HS3ST4: variants seen among roughly 807,000 people sequenced by gnomAD.
HS3ST4 encodes the protein heparan sulfate glucosamine 3-O-sulfotransferase 4.
A neutral mutation model predicts 29.2 loss-of-function variants in HS3ST4; 17 were observed. That is an observed-to-expected ratio of 0.58 (90% confidence interval 0.40 to 0.87). The LOEUF is 0.87. HS3ST4 is among the 40% of genes least tolerant of loss of function. HS3ST4 has a pLI of 0.00. For missense variants in HS3ST4, 627 were observed against 634.5 expected, an observed-to-expected ratio of 0.99 and a Z score of 0.13; for synonymous variants, 314 against 285.7, an observed-to-expected ratio of 1.10 and a Z score of -1.00.
chr16:26,111,009 C>T lies in HS3ST4; in HGVS notation c.735-24603C>T, dbSNP rs143228610. Among the ~76,000 whole-genome samples, 383 of 151,928 alleles carry T rather than the reference C, an allele frequency of 2.5e-3. 2 individuals are homozygous for T. Among genetic ancestry groups the T allele is most frequent in the African/African-American group, 8.4e-3 (349 of 41,414 alleles). On this transcript the variant is annotated intron_variant, in intron 1 of 1. Coordinates refer to ENST00000331351, the MANE Select transcript of HS3ST4 (RefSeq NM_006040.3). The stretch of plus-strand genomic sequence containing the variant: ...GCTTGTAAGGGTGTGTGTGTGTGCA[C>T]GCGTTTGGGGTACAATTTATTTTTT...
intron 1 of HS3ST4, among the ~76,000 whole-genome samples, chr16:25,886,027 GTT>G (rs34713423): frequency 0.015 from 1,276 of 82,734 alleles, 11 homozygotes; most frequent in African/African-American, 0.055. Context: ...TCTTACTGTG[GTT>G]TTTTTTTTTT....
intron 1 of HS3ST4, chr16:25,933,401 T>C (rs1319815248): frequency 1.9e-6 from 1 of 516,478 alleles, no homozygotes; most frequent in African/African-American, 1.9e-5. Context: ...TTGAACTGGC[T>C]TTCCACCTTC....
Position 25,795,173 on chromosome 16 carries a change from A to G in HS3ST4, c.734+102022A>G, listed in dbSNP as rs541430838. 7.9e-5 allele frequency among the ~76,000 whole-genome samples: 12 copies of G among 151,928 alleles called. 1 individual carries two copies. Among genetic ancestry groups the G allele is most frequent in the African/African-American group, 1.5e-4 (6 of 41,376 alleles). Reference sequence around the variant, plus strand: ...TTTTTAGTAGAGACGAAGTTTCACTATGTTGGCCAGGTTGGTCTTGAATTC... The same window carrying G: ...TTTTTAGTAGAGACGAAGTTTCACTGTGTTGGCCAGGTTGGTCTTGAATTC... On this transcript the variant is annotated intron_variant, in intron 1 of 1. Transcript: ENST00000331351.
chr16:26,014,115 A>G (rs1969340626), intron 1 of HS3ST4, among the ~76,000 whole-genome samples: 1 of 152,034 alleles, frequency 6.6e-6, no homozygotes, highest in South Asian at 2.1e-4. Flanking sequence ...ATTTTGCTTT[A>G]TTTTCCTTTG....
Position 25,692,330 on chromosome 16 carries a change from G to A in HS3ST4, c.-88G>A, listed in dbSNP as rs1404656447. ...AGCGGCGGCGGCGGCGGCGGCGGCG[G>A]CGGCGGCGGGGGCGGCGGCTGAAAC... On this transcript the variant is annotated 5_prime_UTR_variant, in exon 1 of 2. Transcript: ENST00000331351. 1 of 162,306 alleles carries A rather than the reference G, an allele frequency of 6.2e-6. No individual in the cohort carries two copies. Among genetic ancestry groups the A allele is most frequent in the Non-Finnish European group, 1.2e-5 (1 of 80,484 alleles). 10.1% of individuals were successfully genotyped at this position (162,306 alleles called of 1,614,324 possible). A position where few individuals can be genotyped will look rare whatever the true frequency, so the allele number is the denominator to read the frequency against.
At chr16:25,735,509 C>T (rs540710009) in intron 1 of HS3ST4, among the ~76,000 whole-genome samples, 2 of 152,094 alleles carry the variant, frequency 1.3e-5, no homozygotes, top group Admixed American at 6.5e-5. Flanking sequence ...CACTCTCAGC[C>T]TCCTGAGTAG....
chr16:26,109,048 G>T (rs927695876), intron 1 of HS3ST4, among the ~76,000 whole-genome samples: 1 of 152,078 alleles, frequency 6.6e-6, no homozygotes, highest in Non-Finnish European at 1.5e-5. Context: ...ACATGTTGAG[G>T]CCTAAATTAA....
At chr16:25,898,529 CGTATGCCATAT>C in intron 1 of HS3ST4, among the ~76,000 whole-genome samples, 1 of 152,320 alleles carries the variant, frequency 6.6e-6, no homozygotes, top group East Asian at 1.9e-4. Flanking sequence ...TAGTATACCA[CGTATGCCATAT>C]GTATGCAAGC....
At chr16:25,886,302 G>A (rs1967951670) in intron 1 of HS3ST4, among the ~76,000 whole-genome samples, 1 of 151,998 alleles carries the variant, frequency 6.6e-6, no homozygotes, top group Non-Finnish European at 1.5e-5. Flanking sequence ...CAAAGTTCTG[G>A]GATTAGAGTA....
chr16:25,802,975 TTCTC>T (rs1463456682), intron 1 of HS3ST4, among the ~76,000 whole-genome samples: 3 of 151,030 alleles, frequency 2.0e-5, no homozygotes, highest in Non-Finnish European at 4.4e-5. Flanking sequence ...ATATATTTCT[TTCTC>T]TGTTTCTTTT....
intron 1 of HS3ST4, among the ~76,000 whole-genome samples, chr16:25,693,459 C>T (rs571095510): frequency 1.1e-3 from 174 of 152,324 alleles, no homozygotes; most frequent in Non-Finnish European, 2.0e-3. Context: ...AGCCCTCCTG[C>T]CTGCTGGGTG....
chr16:26,032,813 G>A, intron 1 of HS3ST4: 7 of 1,564,390 alleles, frequency 4.5e-6, no homozygotes, highest in South Asian at 1.1e-5. Flanking sequence ...CTTGGGCATG[G>A]TGGTGGCGGC....
chr16:25,770,138 G>T (rs773134004), intron 1 of HS3ST4, among the ~76,000 whole-genome samples: 1 of 152,164 alleles, frequency 6.6e-6, no homozygotes, highest in Non-Finnish European at 1.5e-5. Flanking sequence ...ATTCATAGTT[G>T]CCTCCCACTC....
intron 1 of HS3ST4, among the ~76,000 whole-genome samples, chr16:25,821,182 C>T (rs576832196): frequency 1.5e-4 from 22 of 151,418 alleles, no homozygotes; most frequent in South Asian, 1.0e-3. Flanking sequence ...CTCAGCCTCC[C>T]GAGTAGCTGG....
intron 1 of HS3ST4, among the ~76,000 whole-genome samples, chr16:26,107,640 G>T (rs958735366): frequency 6.6e-5 from 10 of 152,188 alleles, no homozygotes; most frequent in Non-Finnish European, 4.4e-5. Context: ...GAGAACATAT[G>T]ATATTTGGTT....
intron 1 of HS3ST4, among the ~76,000 whole-genome samples, chr16:25,870,135 A>G (rs1478675561): frequency 6.6e-6 from 1 of 151,774 alleles, no homozygotes; most frequent in Admixed American, 6.6e-5. Context: ...CCACCCATTC[A>G]TCTACTCATC....
At chr16:26,026,520 C>T (rs1596648725) in intron 1 of HS3ST4, among the ~76,000 whole-genome samples, 1 of 152,126 alleles carries the variant, frequency 6.6e-6, no homozygotes, top group South Asian at 2.1e-4. Flanking sequence ...GCTAGCTTTG[C>T]CCCATAGTCA....
chr16:25,979,112 G>T (rs1017261564), intron 1 of HS3ST4, among the ~76,000 whole-genome samples: 14 of 152,022 alleles, frequency 9.2e-5, no homozygotes, highest in Non-Finnish European at 1.9e-4. Context: ...GGTCAGGCTG[G>T]TCTCGAACTC....
At chr16:25,913,942 T>G (rs2141679450) in intron 1 of HS3ST4, among the ~76,000 whole-genome samples, 1 of 148,142 alleles carries the variant, frequency 6.8e-6, no homozygotes, top group Admixed American at 6.7e-5. Flanking sequence ...TATGTGTGTG[T>G]GTGGTGTGTG....
Sources: gnomAD v4.1 joint callset for allele counts (sites outside exome capture counted in the v4.1 genomes callset) on GRCh38, gnomAD v4.1.1 for gene constraint, MANE v1.5 for transcripts, NCBI Gene and HGNC (gene_info 2026-07-23, HGNC 2026-07-21) for gene names.